UBE2K: variants seen among roughly 807,000 people sequenced by gnomAD.
UBE2K encodes ubiquitin-conjugating enzyme E2 K.
In UBE2K, 6 loss-of-function variants were observed where a neutral mutation model predicts 30.0. That is an observed-to-expected ratio of 0.20 (90% CI 0.11 to 0.39). The LOEUF (loss-of-function observed/expected upper bound fraction) is 0.39. UBE2K is among the 10% of genes least tolerant of loss of function. The probability of loss-of-function intolerance (pLI) is 1.00; values close to 1 mark genes in which losing one functional copy is unlikely to be tolerated. For synonymous variants in UBE2K, 86 were observed against 83.7 expected (o/e 1.03, Z -0.15); for missense variants, 61 against 241.6 (o/e 0.25, Z 4.96).
chr4:39,780,779 C>G lies in UBE2K; in HGVS notation c.*2345C>G, dbSNP rs1041707960. On this transcript the variant is annotated 3_prime_UTR_variant, in exon 7 of 7. Coordinates refer to ENST00000261427, the MANE Select transcript of UBE2K (RefSeq NM_005339.5). ...AGATTTAGTTACCCAAACATAGAAA[C>G]TAAAGCAATTGCTTTTTTCCTCTGG... 1 of 151,922 alleles carries G rather than the reference C, an allele frequency of 6.6e-6. No homozygotes were observed. Among genetic ancestry groups the G allele is most frequent in the Non-Finnish European group, 1.5e-5 (1 of 67,918 alleles). 9.4% of individuals were successfully genotyped at this position (151,922 alleles called of 1,614,324 possible).
At chr4:39,708,560 G>T (rs796245352) in intron 1 of UBE2K, among the ~76,000 whole-genome samples, 24 of 152,128 alleles carry the variant, frequency 1.6e-4, no homozygotes, top group African/African-American at 5.8e-4. Flanking sequence ...TTGAGTAAAA[G>T]AATAGATGTG....
At chr4:39,748,259 CTG>C (rs1041425179) in intron 3 of UBE2K, among the ~76,000 whole-genome samples, 3 of 152,258 alleles carry the variant, frequency 2.0e-5, no homozygotes, top group African/African-American at 7.2e-5. Context: ...GGGTCTTACT[CTG>C]TTGCTCAGTC....
chr4:39,705,647 T>C (rs1718313269), intron 1 of UBE2K, among the ~76,000 whole-genome samples: 1 of 152,100 alleles, frequency 6.6e-6, no homozygotes, highest in Non-Finnish European at 1.5e-5. Flanking sequence ...TGCTATGGGA[T>C]TCTAAAGGGT....
chr4:39,752,341 T>C (rs1376238054), intron 3 of UBE2K, among the ~76,000 whole-genome samples: 8 of 129,440 alleles, frequency 6.2e-5, no homozygotes, highest in South Asian at 2.9e-4. Context: ...TTTTCTTTTT[T>C]TTTTTTTTTT....
At chr4:39,709,368 G>A (rs750645485) in intron 1 of UBE2K, among the ~76,000 whole-genome samples, 2 of 151,978 alleles carry the variant, frequency 1.3e-5, no homozygotes, top group Non-Finnish European at 2.9e-5. Flanking sequence ...TGTCACCTGT[G>A]TGCCAATAAT....
At chr4:39,754,364 C>A (rs1053973966) in intron 3 of UBE2K, among the ~76,000 whole-genome samples, 2 of 151,898 alleles carry the variant, frequency 1.3e-5, no homozygotes, top group Non-Finnish European at 2.9e-5. Context: ...AAGTCATTGG[C>A]GAATTAAAGT....
chr4:39,762,936 C>CTTTTTT (rs869207095), intron 4 of UBE2K, among the ~76,000 whole-genome samples: 1,007 of 78,716 alleles, frequency 0.013, 82 homozygotes, highest in Non-Finnish European at 0.016. Context: ...CCAAAAAACA[C>CTTTTTT]TTTTTTTTTT....
intron 4 of UBE2K, 89 bp from the exon 5 acceptor site, chr4:39,774,745 C>T (rs546907748): frequency 1.5e-5 from 10 of 649,068 alleles, no homozygotes; most frequent in Admixed American, 3.9e-5. Context: ...ACTTTTAGCT[C>T]TACAATTTTT....
At chr4:39,708,054 G>A (rs546745296) in intron 1 of UBE2K, among the ~76,000 whole-genome samples, 19 of 151,892 alleles carry the variant, frequency 1.3e-4, no homozygotes, top group African/African-American at 4.6e-4. Flanking sequence ...GCACCACCAC[G>A]CTCAGCTAAT....
rs891651178 is a variant in UBE2K at position 39,781,947 on chromosome 4, C to G, written c.*3513C>G. On this transcript the variant is annotated 3_prime_UTR_variant, in exon 7 of 7. Transcript: ENST00000261427. ...CTTGAAGTATTTACTGATAAAATAGCCTTTATTCCCAAGTGTGACTTTTCT... is the reference window on the plus strand; with the variant it reads ...CTTGAAGTATTTACTGATAAAATAGGCTTTATTCCCAAGTGTGACTTTTCT... 2.5e-6 allele frequency: 1 copy of G among 398,322 alleles called. No homozygotes were observed. The highest frequency in any genetic ancestry group is 3.6e-5 in the East Asian group (1 of 28,072). The allele number at this position is 398,322 out of a possible 1,614,324, so 24.7% of individuals were successfully genotyped here.
chr4:39,699,602 A>T (rs746174764), intron 1 of UBE2K, among the ~76,000 whole-genome samples: 5 of 152,220 alleles, frequency 3.3e-5, no homozygotes, highest in Non-Finnish European at 5.9e-5. Context: ...ACAAAAAGTA[A>T]TACAGAAAAT....
chr4:39,753,958 A>G (rs1721400188), intron 3 of UBE2K, among the ~76,000 whole-genome samples: 1 of 152,116 alleles, frequency 6.6e-6, no homozygotes, highest in Non-Finnish European at 1.5e-5. Context: ...CCATCTTGCC[A>G]TGTTGGCGCT....
At chr4:39,755,627 T>G (rs1461595404) in intron 3 of UBE2K, 30 bp from the exon 4 acceptor site, 1 of 1,512,858 alleles carries the variant, frequency 6.6e-7, no homozygotes, top group Non-Finnish European at 9.1e-7. Flanking sequence ...TTTCTGTTAC[T>G]GAAAAACTCA....
intron 1 of UBE2K, among the ~76,000 whole-genome samples, chr4:39,723,360 C>A (rs1719534516): frequency 8.6e-6 from 1 of 116,956 alleles, no homozygotes; most frequent in South Asian, 2.9e-4. Flanking sequence ...CTGCTGTCTT[C>A]TCTTTTTTTT....
rs369845411 is a variant in UBE2K, at chr4:39,774,708, T to C, written c.300-126T>C. 3.0e-4 allele frequency: 131 copies of C among 438,414 alleles called. No individual in the cohort carries two copies. The Middle Eastern group carries it at 3.4e-3, about 11-fold the overall frequency. 27.2% of individuals were successfully genotyped at this position (438,414 alleles called of 1,614,324 possible). A position where few individuals can be genotyped will look rare whatever the true frequency, so the allele number is the denominator to read the frequency against. ...TAATTATAAATGTCTATGACTTAAC[T>C]ATATAATTAAGATAAAGATCTAAGT... On this transcript the variant is annotated intron_variant, in intron 4 of 6. Transcript: ENST00000261427.
intron 1 of UBE2K, among the ~76,000 whole-genome samples, chr4:39,703,321 G>A (rs1274005502): frequency 6.6e-6 from 1 of 151,968 alleles, no homozygotes; most frequent in Non-Finnish European, 1.5e-5. Flanking sequence ...AGACCAGCCT[G>A]GGCAACATAG....
intron 1 of UBE2K, among the ~76,000 whole-genome samples, chr4:39,711,621 T>G (rs539327098): frequency 3.3e-5 from 5 of 152,164 alleles, no homozygotes; most frequent in African/African-American, 7.2e-5. Flanking sequence ...TATAATTTTT[T>G]GGGGAACATG....
chr4:39,752,301 C>T (rs1377337214), intron 3 of UBE2K, among the ~76,000 whole-genome samples: 6 of 146,076 alleles, frequency 4.1e-5, no homozygotes, highest in South Asian at 4.3e-4. Flanking sequence ...CCCGCCATCA[C>T]GCCTGGCTAA....
chr4:39,771,288 G>A, intron 4 of UBE2K: 3 of 1,611,998 alleles, frequency 1.9e-6, no homozygotes, highest in South Asian at 1.1e-5. Context: ...AGGCGGCTAA[G>A]ATGACCTTGT....
Sources: allele counts gnomAD v4.1 joint callset (sites outside exome capture counted in the v4.1 genomes callset), GRCh38; gene constraint gnomAD v4.1.1; transcripts MANE v1.5; gene names NCBI Gene and HGNC (gene_info 2026-07-23, HGNC 2026-07-21).